Variants in STK17B observed in about 807,000 individuals in gnomAD.
STK17B encodes the protein serine/threonine kinase 17b.
STK17B carries 21 observed loss-of-function variants against 42.0 expected under a neutral mutation model. That is an observed-to-expected ratio of 0.50 (90% confidence interval 0.35 to 0.72). The LOEUF (loss-of-function observed/expected upper bound fraction) is 0.72, where lower values mean the gene tolerates loss of function less well. STK17B is among the 30% of genes least tolerant of loss of function. The probability of loss-of-function intolerance (pLI) is 0.00; values close to 1 mark genes in which losing one functional copy is unlikely to be tolerated. For synonymous variants in STK17B, 143 were observed against 148.4 expected (o/e 0.96, Z 0.26); for missense variants, 349 against 446.0 (o/e 0.78, Z 1.96).
In STK17B at chr2:196,152,256, G is replaced by A. The variant is rs191013048; in HGVS notation, c.335+4183C>T. ...TGAGTAGCTGGGACTACAGGCATGCGCCAACACGCCCGGCTAATTTTTTGT... is the reference window on the plus strand; with the variant it reads ...TGAGTAGCTGGGACTACAGGCATGCACCAACACGCCCGGCTAATTTTTTGT... On this transcript the variant is annotated intron_variant, in intron 3 of 7. Coordinates refer to ENST00000263955, the MANE Select transcript of STK17B (RefSeq NM_004226.4). Among the ~76,000 whole-genome samples the A allele has an allele frequency of 2.5e-3, 382 of 152,252 alleles. 1 individual carries two copies. The highest frequency in any genetic ancestry group is 3.5e-3 in the Admixed American group (53 of 15,306).
intron 4 of STK17B, among the ~76,000 whole-genome samples, chr2:196,145,493 A>G (rs1211921380): frequency 6.6e-6 from 1 of 152,224 alleles, no homozygotes; most frequent in African/African-American, 2.4e-5. Flanking sequence ...AAACCTCAAG[A>G]CAAAAATGAA....
At chr2:196,145,860 G>T in intron 4 of STK17B, 51 bp downstream of exon 4, 1 of 1,506,078 alleles carries the variant, frequency 6.6e-7, no homozygotes, top group South Asian at 1.4e-5. Context: ...TGCATACTAA[G>T]AGCAGAAGAA....
intron 2 of STK17B, among the ~76,000 whole-genome samples, chr2:196,159,916 A>G (rs1257420327): frequency 6.6e-6 from 1 of 152,204 alleles, no homozygotes; most frequent in Non-Finnish European, 1.5e-5. Context: ...TGAGATTCCA[A>G]TAAAATTATA....
At chr2:196,145,103 G>A (rs1275076924) in intron 4 of STK17B, among the ~76,000 whole-genome samples, 1 of 150,438 alleles carries the variant, frequency 6.6e-6, no homozygotes, top group African/African-American at 2.5e-5. Flanking sequence ...GGAAATAGCA[G>A]GGATACTAGA....
At chr2:196,168,589 G>C (rs1412218404) in intron 1 of STK17B, among the ~76,000 whole-genome samples, 1 of 152,028 alleles carries the variant, frequency 6.6e-6, no homozygotes, top group Non-Finnish European at 1.5e-5. Flanking sequence ...CCCTCTTTTG[G>C]AGTAATTGCA....
chr2:196,173,181 C>T (rs1699968195), upstream of STK17B, among the ~76,000 whole-genome samples: 1 of 152,188 alleles, frequency 6.6e-6, no homozygotes, highest in Non-Finnish European at 1.5e-5. Flanking sequence ...GGTCACAATA[C>T]CTCTGCTGTA....
At chr2:196,139,959 A>G (rs992933630) in intron 6 of STK17B, among the ~76,000 whole-genome samples, 160 bp from the exon 7 acceptor site, 9 of 152,248 alleles carry the variant, frequency 5.9e-5, no homozygotes, top group Admixed American at 2.6e-4. Context: ...AACTAAAATA[A>G]TGATCTCAAA....
chr2:196,139,661 C>G lies in STK17B; in HGVS notation c.795G>C (p.Leu265=). 1 of 1,447,864 alleles carries G rather than the reference C, an allele frequency of 6.9e-7. No homozygotes were observed. Among genetic ancestry groups the G allele is most frequent in the Non-Finnish European group, 9.1e-7 (1 of 1,095,308 alleles). The allele number at this position is 1,447,864 out of a possible 1,614,324, so 89.7% of individuals were successfully genotyped here. A position where few individuals can be genotyped will look rare whatever the true frequency, so the allele number is the denominator to read the frequency against. Residue 265 remains leucine, a synonymous_variant, in exon 7 of 8, where the codon CTG becomes CTC. Coordinates refer to ENST00000263955, the MANE Select transcript of STK17B (RefSeq NM_004226.4). Reference sequence around the variant, plus strand: ...AAAGGCTCTGAATAAAGTCTGTGGCCAGCTGTGAAACTGATGAAAAAGTTT... The same window carrying G: ...AAAGGCTCTGAATAAAGTCTGTGGCGAGCTGTGAAACTGATGAAAAAGTTT... ...SEETFSSVSQ[L]ATDFIQSLLV... is the part of the protein sequence containing the mutation.
In STK17B at chr2:196,156,574, CTCTT is replaced by C; in HGVS notation, c.196_199del (p.Lys66GlufsTer42). The C allele has an allele frequency of 6.2e-7, 1 of 1,614,028 alleles. No homozygotes were observed. Among genetic ancestry groups the C allele is most frequent in the Non-Finnish European group, 8.5e-7 (1 of 1,179,968 alleles). On this transcript the variant is annotated frameshift_variant, in exon 3 of 8. Coordinates refer to ENST00000263955, the MANE Select transcript of STK17B (RefSeq NM_004226.4). LOFTEE classifies it high-confidence loss of function. ...TGCTCGACAATCCTGTCCTCTTCTT[CTCTT>C]TTTTAGAAATTTTGCAGCATATTCT...
At chr2:196,164,031 C>T (rs1477957438) in intron 1 of STK17B, among the ~76,000 whole-genome samples, 1 of 119,620 alleles carries the variant, frequency 8.4e-6, no homozygotes, top group Non-Finnish European at 1.7e-5. Context: ...AAAGCGAGAT[C>T]TTATCTCAAT....
At chr2:196,146,535 G>C (rs528756780) in intron 3 of STK17B, among the ~76,000 whole-genome samples, 1 of 151,958 alleles carries the variant, frequency 6.6e-6, no homozygotes, top group Non-Finnish European at 1.5e-5. Context: ...TAAGTGATGA[G>C]ACTATTTCAA....
intron 1 of STK17B, among the ~76,000 whole-genome samples, chr2:196,169,463 GTTA>G (rs748930895): frequency 5.3e-5 from 8 of 152,256 alleles, no homozygotes; most frequent in Admixed American, 2.6e-4. Flanking sequence ...AAGTGAAAGT[GTTA>G]TTAACTGAAT....
At chr2:196,174,621 A>C (rs1699982010), upstream of STK17B, among the ~76,000 whole-genome samples, 1 of 152,118 alleles carries the variant, frequency 6.6e-6, no homozygotes, top group Non-Finnish European at 1.5e-5. Context: ...GCGTGGCTCA[A>C]CCCCCCACCC....
upstream of STK17B, among the ~76,000 whole-genome samples, chr2:196,172,090 A>G (rs1206821270): frequency 1.3e-5 from 2 of 152,212 alleles, no homozygotes; most frequent in East Asian, 1.9e-4. Flanking sequence ...GTTTGCTACA[A>G]CTTGGCAGAG....
chr2:196,147,554 T>A (rs938142587), intron 3 of STK17B, among the ~76,000 whole-genome samples: 2 of 152,102 alleles, frequency 1.3e-5, no homozygotes, highest in Admixed American at 6.5e-5. Context: ...AATTGAGCAA[T>A]CTAAACACAG....
rs1699837476 is a variant in STK17B at position 196,163,370 on chromosome 2, C to A, written c.14G>T (p.Arg5Ile). Residue 5 changes from arginine to isoleucine, a missense_variant, in exon 2 of 8, where the codon AGA (arginine) becomes ATA (isoleucine). Physicochemically the swap from Arg to Ile is moderately conservative, Grantham distance 97. Coordinates refer to ENST00000263955, the MANE Select transcript of STK17B (RefSeq NM_004226.4). Reference protein sequence around the residue: MSRRRFDCRSISGLL... With the variant: MSRRIFDCRSISGLL... ...GCCTGAAATACTTCGGCAATCAAATCTCCTCCTCGACATGTTAGGTGATTC... is the reference window on the plus strand; with the variant it reads ...GCCTGAAATACTTCGGCAATCAAATATCCTCCTCGACATGTTAGGTGATTC... 1 of 1,596,124 alleles carries A rather than the reference C, an allele frequency of 6.3e-7. No homozygotes were observed. Among genetic ancestry groups the A allele is most frequent in the Admixed American group, 1.8e-5 (1 of 55,792 alleles).
chr2:196,174,375 G>A (rs1191053104), upstream of STK17B: 1 of 152,248 alleles, frequency 6.6e-6, no homozygotes, highest in Non-Finnish European at 1.5e-5. Flanking sequence ...AATGATCAAG[G>A]AAAGTGATTC....
intron 2 of STK17B, among the ~76,000 whole-genome samples, chr2:196,159,194 C>G (rs1041012692): frequency 4.0e-5 from 6 of 151,784 alleles, no homozygotes; most frequent in Non-Finnish European, 5.9e-5. Context: ...AACTGTGCAT[C>G]TGAAAAAACA....
intron 4 of STK17B, among the ~76,000 whole-genome samples, chr2:196,144,958 C>T (rs1699550155): frequency 6.6e-6 from 1 of 151,952 alleles, no homozygotes; most frequent in African/African-American, 2.4e-5. Context: ...TGCCATCCCA[C>T]TTCAAGGGCT....
Sources: allele counts gnomAD v4.1 joint callset (sites outside exome capture counted in the v4.1 genomes callset), GRCh38; gene constraint gnomAD v4.1.1; transcripts MANE v1.5; gene names NCBI Gene and HGNC (gene_info 2026-07-23, HGNC 2026-07-21).